Variants in WWOX observed in about 807,000 individuals in gnomAD.
WWOX encodes WW domain containing oxidoreductase, also known as WW domain-containing oxidoreductase.
Under a neutral mutation model 46.2 loss-of-function variants are expected in WWOX, and 69 were observed. That is an observed-to-expected ratio of 1.49 (90% CI 1.23 to 1.82). The LOEUF is 1.82. WWOX is among the 40% of genes most tolerant of loss of function. The pLI is 0.00. For synonymous variants in WWOX, 359 were observed against 202.6 expected (o/e 1.77, Z -6.56); for missense variants, 919 against 542.6 (o/e 1.69, Z -6.89).
intron 8 of WWOX, among the ~76,000 whole-genome samples, chr16:78,858,729 T>C (rs983219138): frequency 3.3e-5 from 5 of 151,964 alleles, no homozygotes; most frequent in African/African-American, 9.7e-5. Flanking sequence ...ACCCATTCTG[T>C]AGTGCAGGGC....
chr16:78,854,307 C>T (rs1470406134), intron 8 of WWOX, among the ~76,000 whole-genome samples: 1 of 152,072 alleles, frequency 6.6e-6, no homozygotes, highest in Non-Finnish European at 1.5e-5. Flanking sequence ...TTATTATTTG[C>T]ATGCAGTTTA....
intron 5 of WWOX, among the ~76,000 whole-genome samples, chr16:78,175,919 C>T (rs1302886944): frequency 6.6e-6 from 1 of 152,214 alleles, no homozygotes; most frequent in Non-Finnish European, 1.5e-5. Flanking sequence ...GGAAGCTCCA[C>T]TGTGTGCAAG....
At chr16:78,719,536 G>A (rs945040561) in intron 8 of WWOX, among the ~76,000 whole-genome samples, 1 of 152,182 alleles carries the variant, frequency 6.6e-6, no homozygotes. Context: ...AGACAAGTGT[G>A]TCGTTAATTA....
At chr16:78,683,107 C>G (rs2047768158) in intron 8 of WWOX, among the ~76,000 whole-genome samples, 1 of 152,084 alleles carries the variant, frequency 6.6e-6, no homozygotes, top group Non-Finnish European at 1.5e-5. Context: ...TGTTCTATCC[C>G]AGAAATATTC....
chr16:78,171,964 C>T (rs1349342988), intron 5 of WWOX, among the ~76,000 whole-genome samples: 1 of 152,126 alleles, frequency 6.6e-6, no homozygotes, highest in Non-Finnish European at 1.5e-5. Flanking sequence ...TAGCATTTAA[C>T]AGTAAAGTAT....
intron 8 of WWOX, among the ~76,000 whole-genome samples, chr16:78,907,846 G>C (rs1297851856): frequency 6.6e-6 from 1 of 152,112 alleles, no homozygotes; most frequent in East Asian, 1.9e-4. Flanking sequence ...GCCCCGCAAA[G>C]ACGAGGGAGC....
chr16:78,231,520 T>C (rs755237405), intron 5 of WWOX, among the ~76,000 whole-genome samples: 7 of 152,186 alleles, frequency 4.6e-5, no homozygotes, highest in Non-Finnish European at 7.3e-5. Flanking sequence ...GCTTTGCCTT[T>C]CCTTAGTTAA....
rs72802977 is a variant in WWOX at position 78,126,825 on chromosome 16, G to T, written c.409+11671G>T. ...CTTAAACTTGTCTGGCTTTGCAATGGTGGTGGAGTCCCAAGATGACACAGT... is the reference window on the plus strand; with the variant it reads ...CTTAAACTTGTCTGGCTTTGCAATGTTGGTGGAGTCCCAAGATGACACAGT... On this transcript the variant is annotated intron_variant, in intron 4 of 8. Transcript: ENST00000566780. Among the ~76,000 whole-genome samples the T allele has an allele frequency of 4.9e-3, 744 of 152,274 alleles. 8 individuals are homozygous for T. Among genetic ancestry groups the T allele is most frequent in the Non-Finnish European group, 7.6e-3 (514 of 68,026 alleles).
chr16:78,664,239 T>G (rs1291317819), intron 8 of WWOX, among the ~76,000 whole-genome samples: 1 of 152,144 alleles, frequency 6.6e-6, no homozygotes, highest in Non-Finnish European at 1.5e-5. Context: ...CAAATGTAAT[T>G]GTCAGTTTTC....
intron 8 of WWOX, among the ~76,000 whole-genome samples, chr16:78,486,115 G>T (rs1426330552): frequency 1.3e-5 from 2 of 152,120 alleles, no homozygotes; most frequent in South Asian, 2.1e-4. Flanking sequence ...TGGTATGCCG[G>T]TAAGTGTTGA....
At chr16:78,727,055 C>T (rs1404663377) in intron 8 of WWOX, among the ~76,000 whole-genome samples, 1 of 152,184 alleles carries the variant, frequency 6.6e-6, no homozygotes, top group Non-Finnish European at 1.5e-5. Flanking sequence ...GTGGCATCGC[C>T]AGTCCCAGTG....
chr16:78,284,591 T>C (rs1226513326), intron 5 of WWOX, among the ~76,000 whole-genome samples: 1 of 152,198 alleles, frequency 6.6e-6, no homozygotes, highest in East Asian at 1.9e-4. Flanking sequence ...TTTGAGGTGT[T>C]TGCAGATTTT....
chr16:78,168,021 G>A (rs946280956), intron 5 of WWOX: 2 of 152,166 alleles, frequency 1.3e-5, no homozygotes, highest in African/African-American at 2.4e-5. Flanking sequence ...AATCACATCA[G>A]TGTCGGGGCC....
At chr16:78,424,186 T>C (rs56221217) in intron 6 of WWOX, among the ~76,000 whole-genome samples, 16,272 of 149,416 alleles carry the variant, frequency 0.11, 1,073 homozygotes, top group East Asian at 0.22. Context: ...GGCATGATCT[T>C]AGCTCACTGC....
chr16:79,025,488 A>C (rs1370745659), intron 8 of WWOX, among the ~76,000 whole-genome samples: 1 of 152,084 alleles, frequency 6.6e-6, no homozygotes, highest in Non-Finnish European at 1.5e-5. Context: ...AGGCGGTGTG[A>C]AGGTAGAGAC....
chr16:78,427,061 G>T (rs191540305), intron 7 of WWOX, among the ~76,000 whole-genome samples: 14 of 152,322 alleles, frequency 9.2e-5, no homozygotes, highest in Non-Finnish European at 2.1e-4. Flanking sequence ...CCATGAGTGA[G>T]CGTGGTGACT....
chr16:78,912,932 C>T (rs2151257878), intron 8 of WWOX, among the ~76,000 whole-genome samples: 1 of 152,084 alleles, frequency 6.6e-6, no homozygotes, highest in East Asian at 1.9e-4. Flanking sequence ...CAAGAGAAAC[C>T]TCGAAGGGTC....
At chr16:78,510,406 C>T (rs1347449638) in intron 8 of WWOX, among the ~76,000 whole-genome samples, 1 of 152,062 alleles carries the variant, frequency 6.6e-6, no homozygotes, top group Admixed American at 6.6e-5. Flanking sequence ...GAGTTTCACC[C>T]TTTTGATTGG....
intron 8 of WWOX, among the ~76,000 whole-genome samples, chr16:78,750,110 CAAGG>C (rs1346484837): frequency 2.6e-5 from 4 of 152,122 alleles, no homozygotes. Flanking sequence ...ACCTTAAAAA[CAAGG>C]AAGAAGAGAA....
Sources: gnomAD v4.1 joint callset for allele counts (sites outside exome capture counted in the v4.1 genomes callset) on GRCh38, gnomAD v4.1.1 for gene constraint, MANE v1.5 for transcripts, NCBI Gene and HGNC (gene_info 2026-07-23, HGNC 2026-07-21) for gene names.